GATAD1: variants seen among roughly 807,000 people sequenced by gnomAD.
The protein encoded by GATAD1 is GATA zinc finger domain-containing protein 1.
Under a neutral mutation model 26.5 loss-of-function variants are expected in GATAD1, and 12 were observed. The ratio of observed to expected loss-of-function variants is 0.45; its 90% confidence interval spans 0.29 to 0.73. The LOEUF (loss-of-function observed/expected upper bound fraction) is 0.73, where lower values mean the gene tolerates loss of function less well. Among genes scored for constraint, GATAD1 ranks in the 30% least tolerant of loss-of-function variants. The pLI is 0.10. For synonymous variants in GATAD1, 129 were observed against 133.1 expected, an observed-to-expected ratio of 0.97 and a Z score of 0.21; for missense variants, 266 against 342.1, an observed-to-expected ratio of 0.78 and a Z score of 1.75.
chr7:92,489,573 A>G, the GATAD1 span: 2 of 1,024,856 alleles, frequency 2.0e-6, no homozygotes, highest in Non-Finnish European at 3.0e-6. Flanking sequence ...GCAAGGAAGC[A>G]CATAACCATG....
At chr7:92,494,409 A>G in the GATAD1 span, 1 of 1,613,260 alleles carries the variant, frequency 6.2e-7, no homozygotes, top group South Asian at 1.1e-5. Flanking sequence ...AGAGGAAAAA[A>G]GAACATTTTT....
chr7:92,449,054 T>C, intron 2 of GATAD1, 177 bp downstream of exon 2: 2 of 1,063,558 alleles, frequency 1.9e-6, no homozygotes, highest in Non-Finnish European at 2.6e-6. Flanking sequence ...GCTCACTGTT[T>C]ATAAAGTTAA....
downstream of GATAD1, among the ~76,000 whole-genome samples, chr7:92,460,877 T>C (rs1345549840): frequency 6.6e-6 from 1 of 152,058 alleles, no homozygotes; most frequent in Non-Finnish European, 1.5e-5. Flanking sequence ...TACTTCGCAG[T>C]ATTTTCCAAA....
the GATAD1 span, chr7:92,492,930 A>T: frequency 1.3e-6 from 2 of 1,588,548 alleles, no homozygotes; most frequent in African/African-American, 2.7e-5. Flanking sequence ...AAAATGTCAT[A>T]ACAACTTCCT....
chr7:92,465,512 A>G, the GATAD1 span, among the ~76,000 whole-genome samples: 38,113 of 151,762 alleles, frequency 0.25, 5,386 homozygotes, highest in African/African-American at 0.39. Context: ...CAGCTACTCC[A>G]GAGGCTGAGG....
the GATAD1 span, chr7:92,487,348 C>T: frequency 1.5e-6 from 1 of 646,380 alleles, no homozygotes; most frequent in Non-Finnish European, 2.8e-6. Flanking sequence ...ATAAATTAAC[C>T]AAATTTGTTA....
rs541193531 is a variant in GATAD1, at chr7:92,457,540, G to A, written c.*978G>A. ...TGAACTTAAATTATATTCTATATGTGTATCTTCCTAGGCAAAAGCTGTAAT... is the reference window on the plus strand; with the variant it reads ...TGAACTTAAATTATATTCTATATGTATATCTTCCTAGGCAAAAGCTGTAAT... On this transcript the variant is annotated 3_prime_UTR_variant, in exon 5 of 5. Coordinates refer to ENST00000287957, the MANE Select transcript of GATAD1 (RefSeq NM_021167.5). 1 of 152,310 alleles carries A rather than the reference G, an allele frequency of 6.6e-6. No individual in the cohort carries two copies. Among genetic ancestry groups the A allele is most frequent in the South Asian group, 2.1e-4 (1 of 4,826 alleles). The allele number at this position is 152,310 out of a possible 1,614,324, so 9.4% of individuals were successfully genotyped here.
chr7:92,483,241 C>G, the GATAD1 span, among the ~76,000 whole-genome samples: 1 of 152,156 alleles, frequency 6.6e-6, no homozygotes, highest in Non-Finnish European at 1.5e-5. Context: ...GTCAGATTTC[C>G]GGCACTTGAA....
At chr7:92,487,423 A>AACTT in the GATAD1 span, 2 of 1,187,214 alleles carry the variant, frequency 1.7e-6, no homozygotes, top group African/African-American at 3.0e-5. Context: ...GCCATCAAAA[A>AACTT]ACTTAACAGA....
chr7:92,482,639 G>A, the GATAD1 span, among the ~76,000 whole-genome samples: 2 of 152,044 alleles, frequency 1.3e-5, no homozygotes, highest in South Asian at 2.1e-4. Context: ...GGGTTAAGGT[G>A]GGGGGATATG....
rs992993538 is a variant in GATAD1 at position 92,447,687 on chromosome 7, T to C, written c.-43T>C. 3.6e-6 allele frequency: 5 copies of C among 1,404,062 alleles called. No homozygotes were observed. The African/African-American group carries it at 6.1e-5, about 17-fold the overall frequency. 87.0% of individuals were successfully genotyped at this position (1,404,062 alleles called of 1,614,324 possible). On this transcript the variant is annotated 5_prime_UTR_variant, in exon 1 of 5. Transcript: ENST00000287957. The stretch of plus-strand genomic sequence containing the variant: ...GGGCGGCCGGGCTACCGTCCGCCAT[T>C]CCCGTGTCTCTGCGCCCGCGGGGGC...
chr7:92,487,808 C>T, the GATAD1 span, among the ~76,000 whole-genome samples: 1 of 152,114 alleles, frequency 6.6e-6, no homozygotes, highest in Non-Finnish European at 1.5e-5. Context: ...ATAACTTCTA[C>T]ACTTTAATCA....
At chr7:92,481,843 A>G in the GATAD1 span, among the ~76,000 whole-genome samples, 3 of 152,212 alleles carry the variant, frequency 2.0e-5, no homozygotes, top group Non-Finnish European at 2.9e-5. Flanking sequence ...GTTGTTTTGT[A>G]GAAGAGGTTG....
At chr7:92,484,637 TGA>T in the GATAD1 span, among the ~76,000 whole-genome samples, 2 of 151,902 alleles carry the variant, frequency 1.3e-5, no homozygotes, top group Non-Finnish European at 2.9e-5. Flanking sequence ...TGAAGGGTAG[TGA>T]GAGAGGGAGT....
At chr7:92,479,842 C>T in the GATAD1 span, among the ~76,000 whole-genome samples, 2 of 151,916 alleles carry the variant, frequency 1.3e-5, no homozygotes, top group Non-Finnish European at 2.9e-5. Flanking sequence ...GGCCTGGATG[C>T]GGTTTTGTAT....
chr7:92,453,174 C>A (rs1298041832), intron 3 of GATAD1, among the ~76,000 whole-genome samples: 1 of 152,330 alleles, frequency 6.6e-6, no homozygotes, highest in African/African-American at 2.4e-5. Flanking sequence ...AGTATTTCCT[C>A]AAAAGTGTTT....
intron 2 of GATAD1, 96 bp downstream of exon 2, chr7:92,448,973 TGGTA>T: frequency 3.1e-6 from 4 of 1,305,766 alleles, no homozygotes; most frequent in Non-Finnish European, 4.4e-6. Flanking sequence ...ACTCTGCCCT[TGGTA>T]GCCCTTCCTT....
At chr7:92,476,061 C>T in the GATAD1 span, among the ~76,000 whole-genome samples, 1 of 152,340 alleles carries the variant, frequency 6.6e-6, no homozygotes, top group East Asian at 1.9e-4. Context: ...GAGGAACCAT[C>T]TATCGTCCTG....
chr7:92,489,345 C>A, the GATAD1 span: 19 of 1,612,970 alleles, frequency 1.2e-5, no homozygotes, highest in Non-Finnish European at 1.6e-5. Context: ...CTTGTGTGAC[C>A]AAGTGCAGTC....
Sources: gnomAD v4.1 joint callset for allele counts (sites outside exome capture counted in the v4.1 genomes callset) on GRCh38, gnomAD v4.1.1 for gene constraint, MANE v1.5 for transcripts, NCBI Gene and HGNC (gene_info 2026-07-23, HGNC 2026-07-21) for gene names.